The following ATG4C variants were observed in gnomAD, a reference collection of about 807,000 sequenced individuals.
ATG4C encodes the protein autophagy related 4C cysteine peptidase, also known as cysteine protease ATG4C.
ATG4C carries 56 observed loss-of-function variants against 57.6 expected under a neutral mutation model. That is an observed-to-expected ratio of 0.97 (90% CI 0.78 to 1.21). ATG4C has a LOEUF of 1.21. Among genes scored for constraint, ATG4C ranks in the 50% most tolerant of loss-of-function variants. The pLI is 0.00. For synonymous variants in ATG4C, 157 were observed against 174.1 expected (o/e 0.90, Z 0.78); for missense variants, 595 against 529.8 (o/e 1.12, Z -1.21).
chr1:62,844,901 T>C (rs975505478), intron 10 of ATG4C, among the ~76,000 whole-genome samples: 3 of 152,126 alleles, frequency 2.0e-5, no homozygotes, highest in Non-Finnish European at 2.9e-5. Flanking sequence ...TAACCGTACA[T>C]GTTGATCTAG....
At chr1:62,804,843 G>A (rs933039502) in intron 2 of ATG4C, among the ~76,000 whole-genome samples, 2 of 152,158 alleles carry the variant, frequency 1.3e-5, no homozygotes, top group Non-Finnish European at 2.9e-5. Flanking sequence ...TTTAAATTAT[G>A]TACCATAAGA....
At chr1:62,856,260 A>G (rs1418041687) in intron 10 of ATG4C, among the ~76,000 whole-genome samples, 2 of 152,170 alleles carry the variant, frequency 1.3e-5, no homozygotes, top group East Asian at 3.8e-4. Context: ...TGACTTTTTA[A>G]ATTTCATAGA....
At position 62,864,090 on chromosome 1, in the gene ATG4C, A is replaced by G; in HGVS notation, c.1308A>G (p.Glu436=). The change falls in exon 11 of 11, where the codon GAA becomes GAG. Residue 436 remains glutamate, a synonymous_variant. Transcript: ENST00000317868. ...YDFTSTTTNE[E]DLFSEDEKKQ... ...TTACATCTACTACAACCAATGAAGA[A>G]GACCTTTTTTCAGAGGATGAAAAGA... is the stretch of plus-strand genomic sequence containing the variant. The G allele has an allele frequency of 6.2e-7, 1 of 1,608,294 alleles. No individual in the cohort carries two copies. Among genetic ancestry groups the G allele is most frequent in the Admixed American group, 1.7e-5 (1 of 58,666 alleles).
chr1:62,836,381 A>T (rs1202468464), intron 9 of ATG4C, among the ~76,000 whole-genome samples: 1 of 152,090 alleles, frequency 6.6e-6, no homozygotes, highest in Non-Finnish European at 1.5e-5. Flanking sequence ...TATAGATGTT[A>T]TATTTTTAAG....
chr1:62,843,881 T>C (rs1308402388), intron 10 of ATG4C, among the ~76,000 whole-genome samples: 1 of 152,092 alleles, frequency 6.6e-6, no homozygotes, highest in Non-Finnish European at 1.5e-5. Context: ...AGCATCCATA[T>C]GGAAATAGAA....
intron 10 of ATG4C, among the ~76,000 whole-genome samples, chr1:62,852,095 T>C (rs1386217389): frequency 6.6e-6 from 1 of 152,224 alleles, no homozygotes; most frequent in African/African-American, 2.4e-5. Context: ...CATTCATTCG[T>C]TCATTCTCCA....
intron 3 of ATG4C, among the ~76,000 whole-genome samples, chr1:62,812,769 A>G (rs1665129782): frequency 6.6e-6 from 1 of 152,234 alleles, no homozygotes; most frequent in Non-Finnish European, 1.5e-5. Flanking sequence ...CAATTTCAGC[A>G]AAGTCTCAGA....
chr1:62,847,261 A>G (rs983887393), intron 10 of ATG4C, among the ~76,000 whole-genome samples: 2 of 152,188 alleles, frequency 1.3e-5, no homozygotes, highest in Admixed American at 1.3e-4. Context: ...AAGCACTGAC[A>G]TATCCTAAAG....
intron 3 of ATG4C, among the ~76,000 whole-genome samples, chr1:62,805,955 G>C (rs1041520743): frequency 2.0e-5 from 3 of 152,072 alleles, no homozygotes; most frequent in Non-Finnish European, 4.4e-5. Flanking sequence ...GTGTGAGAAC[G>C]AGAGAGAGTG....
At position 62,809,576 on chromosome 1, in the gene ATG4C, TATATA is replaced by T. The variant is rs1440095181; in HGVS notation, c.160+4327_160+4331del. Reference sequence around the variant, plus strand: ...TAATGTAATATATAATATTTAATAATATATAATATACTAATGTAATTTATATAATT... The same window carrying T: ...TAATGTAATATATAATATTTAATAATATATACTAATGTAATTTATATAATT... On this transcript the variant is annotated intron_variant, in intron 3 of 10. Transcript: ENST00000317868. Among the ~76,000 whole-genome samples the T allele has an allele frequency of 1.6e-4, 23 of 147,058 alleles. No homozygotes were observed. In the South Asian group the frequency reaches 3.3e-3, roughly 21 times the overall value.
chr1:62,809,857 G>T (rs1268835495), intron 3 of ATG4C, among the ~76,000 whole-genome samples: 4 of 151,798 alleles, frequency 2.6e-5, no homozygotes, highest in Non-Finnish European at 5.9e-5. Context: ...AAAATAAAAT[G>T]AGATACTGTT....
At chr1:62,846,621 G>A (rs1208194570) in intron 10 of ATG4C, among the ~76,000 whole-genome samples, 1 of 152,086 alleles carries the variant, frequency 6.6e-6, no homozygotes, top group Non-Finnish European at 1.5e-5. Context: ...TGTCTCATTT[G>A]ATGGCAAATT....
chr1:62,809,045 C>T (rs955014054), intron 3 of ATG4C, among the ~76,000 whole-genome samples: 17 of 152,048 alleles, frequency 1.1e-4, no homozygotes, highest in Non-Finnish European at 2.1e-4. Flanking sequence ...ATGATCTTCC[C>T]GTCTCAGTCT....
chr1:62,807,888 G>A (rs1490371378), intron 3 of ATG4C, among the ~76,000 whole-genome samples: 4 of 152,196 alleles, frequency 2.6e-5, no homozygotes, highest in African/African-American at 9.6e-5. Flanking sequence ...AACCTACTTT[G>A]ATGATTGGCA....
chr1:62,807,770 TG>T (rs1422713746), intron 3 of ATG4C, among the ~76,000 whole-genome samples: 5 of 152,216 alleles, frequency 3.3e-5, no homozygotes, highest in African/African-American at 1.2e-4. Flanking sequence ...TATAACCAAG[TG>T]TTTCCTTGAG....
At chr1:62,800,586 T>C (rs1490178240) in intron 1 of ATG4C, among the ~76,000 whole-genome samples, 1 of 152,208 alleles carries the variant, frequency 6.6e-6, no homozygotes, top group Non-Finnish European at 1.5e-5. Flanking sequence ...ACTCTTTTCC[T>C]TTTCTTGCTT....
At chr1:62,806,425 A>T (rs888574866) in intron 3 of ATG4C, among the ~76,000 whole-genome samples, 17 of 152,040 alleles carry the variant, frequency 1.1e-4, no homozygotes, top group Non-Finnish European at 1.5e-5. Context: ...GGATTTATAT[A>T]TATATGTCTG....
chr1:62,802,540 T>G (rs1426391808), intron 1 of ATG4C, among the ~76,000 whole-genome samples: 1 of 151,976 alleles, frequency 6.6e-6, no homozygotes, highest in Admixed American at 6.5e-5. Flanking sequence ...CCTGTAGTGG[T>G]AAACTCATTA....
intron 6 of ATG4C, among the ~76,000 whole-genome samples, chr1:62,822,045 A>G (rs1298066959): frequency 6.6e-6 from 1 of 152,140 alleles, no homozygotes; most frequent in Non-Finnish European, 1.5e-5. Context: ...GTTGCGGATA[A>G]AATAGACACC....
Sources: allele counts gnomAD v4.1 joint callset (sites outside exome capture counted in the v4.1 genomes callset), GRCh38; gene constraint gnomAD v4.1.1; transcripts MANE v1.5; gene names NCBI Gene and HGNC (gene_info 2026-07-23, HGNC 2026-07-21).